The following COLGALT2 variants were observed in gnomAD, a reference collection of about 807,000 sequenced individuals.
COLGALT2 encodes the protein procollagen galactosyltransferase 2.
In COLGALT2, 49 loss-of-function variants were observed where a neutral mutation model predicts 73.4. The observed-to-expected ratio is 0.67, with a 90% CI of 0.53 to 0.85. The LOEUF is 0.85. COLGALT2 is among the 40% of genes least tolerant of loss of function. The pLI is 0.00. For missense variants in COLGALT2, 722 were observed against 790.2 expected (o/e 0.91, Z 1.03); for synonymous variants, 295 against 307.6 (o/e 0.96, Z 0.43).
chr1:183,944,460 T>C, intron 9 of COLGALT2, 137 bp from the exon 10 acceptor site: 2 of 896,218 alleles, frequency 2.2e-6, no homozygotes, highest in Non-Finnish European at 1.6e-6. Flanking sequence ...CCATCAACAG[T>C]AGAATAGATA....
chr1:183,988,889 T>A (rs1354653332), intron 1 of COLGALT2, among the ~76,000 whole-genome samples: 1 of 152,178 alleles, frequency 6.6e-6, no homozygotes, highest in African/African-American at 2.4e-5. Context: ...AGAATAAAAT[T>A]TATTTTATTT....
chr1:183,930,492 G>T (rs972252314), intron 11 of COLGALT2, among the ~76,000 whole-genome samples: 5 of 151,482 alleles, frequency 3.3e-5, no homozygotes, highest in African/African-American at 1.2e-4. Context: ...GGGCTCAAGC[G>T]ATTCTCCAAC....
At chr1:183,991,445 T>TGAA (rs1671626260) in intron 1 of COLGALT2, among the ~76,000 whole-genome samples, 1 of 152,120 alleles carries the variant, frequency 6.6e-6, no homozygotes, top group Non-Finnish European at 1.5e-5. Context: ...AAAGTATAAA[T>TGAA]TTACAAACTG....
At position 183,978,486 on chromosome 1, in the gene COLGALT2, C is replaced by A. The variant is rs749692817; in HGVS notation, c.298G>T (p.Glu100Ter). Residue 100 changes from glutamate to a stop codon, truncating the protein, a stop_gained, in exon 2 of 12, where the codon GAA becomes TAA. Coordinates refer to ENST00000361927, the MANE Select transcript of COLGALT2 (RefSeq NM_015101.4). LOFTEE classifies it high-confidence loss of function. Reference sequence around the variant, plus strand: ...TTTTTCAACCACTCCCTGAATATTTCTGTTGTATTATCCACATTGTGATCA... The same window carrying A: ...TTTTTCAACCACTCCCTGAATATTTATGTTGTATTATCCACATTGTGATCA... ...ATDHNVDNTT[E>*]IFREWLKNVQ... is the part of the protein sequence containing the mutation. 1 of 1,611,434 alleles carries A rather than the reference C, an allele frequency of 6.2e-7. No homozygotes were observed. The highest frequency in any genetic ancestry group is 1.1e-5 in the South Asian group (1 of 91,010).
At chr1:183,999,646 C>T (rs774734346) in intron 1 of COLGALT2, among the ~76,000 whole-genome samples, 7 of 151,902 alleles carry the variant, frequency 4.6e-5, no homozygotes, top group Admixed American at 1.3e-4. Flanking sequence ...TTTATAAAAA[C>T]GTGCAGGATT....
downstream of COLGALT2, among the ~76,000 whole-genome samples, chr1:183,931,358 A>G (rs1669839988): frequency 1.3e-5 from 2 of 152,206 alleles, no homozygotes; most frequent in Admixed American, 6.5e-5. Flanking sequence ...TGTCTGAGGA[A>G]CATTCTACTG....
intron 1 of COLGALT2, among the ~76,000 whole-genome samples, chr1:183,984,489 G>C (rs1671437080): frequency 6.6e-6 from 1 of 152,188 alleles, no homozygotes; most frequent in African/African-American, 2.4e-5. Flanking sequence ...GTCATGTTGG[G>C]ACAATAACTT....
chr1:183,956,443 T>C (rs1416495653), intron 6 of COLGALT2, among the ~76,000 whole-genome samples: 1 of 152,190 alleles, frequency 6.6e-6, no homozygotes, highest in Non-Finnish European at 1.5e-5. Flanking sequence ...CCTTATTAGT[T>C]TCTTTTAAAA....
At chr1:183,959,422 CT>C (rs1270788613) in intron 6 of COLGALT2, among the ~76,000 whole-genome samples, 1 of 152,158 alleles carries the variant, frequency 6.6e-6, no homozygotes, top group Non-Finnish European at 1.5e-5. Context: ...AACCCCCAGT[CT>C]TTTTCTATAA....
At chr1:184,011,695 C>A (rs936331001) in intron 1 of COLGALT2, among the ~76,000 whole-genome samples, 2 of 152,148 alleles carry the variant, frequency 1.3e-5, no homozygotes, top group Non-Finnish European at 2.9e-5. Flanking sequence ...AATGTCATTG[C>A]GTAGTTATAG....
chr1:183,973,284 A>T lies in COLGALT2; in HGVS notation c.627+332T>A, dbSNP rs558931296. ...TTCTTTTAAACTTTTTTTAATTTCTAAGTTTTTCTATAGTGTTCTTATGTT... is the reference window on the plus strand; with the variant it reads ...TTCTTTTAAACTTTTTTTAATTTCTTAGTTTTTCTATAGTGTTCTTATGTT... On this transcript the variant is annotated intron_variant, in intron 4 of 11. Transcript: ENST00000361927. Among the ~76,000 whole-genome samples the T allele has an allele frequency of 5.3e-5, 8 of 152,122 alleles. No homozygotes were observed. The South Asian group carries it at 1.7e-3, about 32-fold the overall frequency.
In COLGALT2 at chr1:184,037,404, G is replaced by C; in HGVS notation, c.-47C>G. 1 of 1,311,836 alleles carries C rather than the reference G, an allele frequency of 7.6e-7. No individual in the cohort carries two copies. The highest frequency in any genetic ancestry group is 9.7e-7 in the Non-Finnish European group (1 of 1,034,182). 81.3% of individuals were successfully genotyped at this position (1,311,836 alleles called of 1,614,324 possible). A position where few individuals can be genotyped will look rare whatever the true frequency, so the allele number is the denominator to read the frequency against. On this transcript the variant is annotated 5_prime_UTR_variant, in exon 1 of 12. Coordinates refer to ENST00000361927, the MANE Select transcript of COLGALT2 (RefSeq NM_015101.4). ...CGGGGAAGTCCTGGCGCGAGCGCCC[G>C]GCTGGGCTGCCTGAGGGCGGCGGCG...
At chr1:183,940,559 C>A in intron 11 of COLGALT2, 22 bp downstream of exon 11, 3 of 1,608,576 alleles carry the variant, frequency 1.9e-6, no homozygotes, top group Non-Finnish European at 2.6e-6. Flanking sequence ...CAAGGGAAGG[C>A]AGGCAGTTCA....
chr1:184,021,093 G>A (rs1003235653), intron 1 of COLGALT2, among the ~76,000 whole-genome samples: 4 of 152,122 alleles, frequency 2.6e-5, no homozygotes, highest in Admixed American at 2.6e-4. Flanking sequence ...GAGACTATAG[G>A]AGTGAATACC....
intron 1 of COLGALT2, among the ~76,000 whole-genome samples, chr1:184,031,666 C>T (rs1329907603): frequency 6.6e-6 from 1 of 152,176 alleles, no homozygotes; most frequent in Non-Finnish European, 1.5e-5. Context: ...AGCCTAGTGA[C>T]CTCAGGCAAG....
At position 183,937,277 on chromosome 1, in the gene COLGALT2, T is replaced by G; in HGVS notation, c.*1484A>C. On this transcript the variant is annotated 3_prime_UTR_variant, in exon 12 of 12. Coordinates refer to ENST00000361927, the MANE Select transcript of COLGALT2 (RefSeq NM_015101.4). ...AGGAACGGTGCTGGTATGGGATGCC[T>G]GGGAGGGTTTTTCTGGAGACAAAAA... The G allele has an allele frequency of 2.6e-6, 3 of 1,141,450 alleles. No homozygotes were observed. The highest frequency in any genetic ancestry group is 3.2e-6 in the Non-Finnish European group (3 of 930,888). The allele number at this position is 1,141,450 out of a possible 1,614,324, so 70.7% of individuals were successfully genotyped here. A position where few individuals can be genotyped will look rare whatever the true frequency, so the allele number is the denominator to read the frequency against.
chr1:183,982,169 C>T (rs1054350422), intron 1 of COLGALT2, among the ~76,000 whole-genome samples: 2 of 152,020 alleles, frequency 1.3e-5, no homozygotes, highest in African/African-American at 4.8e-5. Context: ...ATTCCATGGC[C>T]TGGAGAGGGA....
chr1:183,996,026 C>A (rs760087559), intron 1 of COLGALT2, among the ~76,000 whole-genome samples: 1 of 152,126 alleles, frequency 6.6e-6, no homozygotes, highest in Non-Finnish European at 1.5e-5. Flanking sequence ...GTAAACGAAT[C>A]TTGTGTTTCT....
At chr1:184,019,980 T>C (rs1454149231) in intron 1 of COLGALT2, among the ~76,000 whole-genome samples, 6 of 152,180 alleles carry the variant, frequency 3.9e-5, no homozygotes, top group Non-Finnish European at 5.9e-5. Context: ...GTGCTGTAAG[T>C]AAGAAAAGAG....
Sources: allele counts gnomAD v4.1 joint callset (sites outside exome capture counted in the v4.1 genomes callset), GRCh38; gene constraint gnomAD v4.1.1; transcripts MANE v1.5; gene names NCBI Gene and HGNC (gene_info 2026-07-23, HGNC 2026-07-21).